The following MCU variants were observed in gnomAD, a reference collection of about 807,000 sequenced individuals.
The protein encoded by MCU is mitochondrial calcium uniporter, also known as calcium uniporter protein, mitochondrial.
In MCU, 12 loss-of-function variants were observed where a neutral mutation model predicts 45.2. That is an observed-to-expected ratio of 0.27 (90% CI 0.17 to 0.43). The LOEUF is 0.43. Among genes scored for constraint, MCU ranks in the 20% least tolerant of loss-of-function variants. The probability of loss-of-function intolerance (pLI) is 1.00; values close to 1 mark genes in which losing one functional copy is unlikely to be tolerated. For missense variants in MCU, 324 were observed against 436.7 expected (o/e 0.74, Z 2.30); for synonymous variants, 160 against 165.1 (o/e 0.97, Z 0.24).
At chr10:72,822,817 G>A (rs1844734102) in intron 1 of MCU, among the ~76,000 whole-genome samples, 1 of 151,830 alleles carries the variant, frequency 6.6e-6, no homozygotes, top group South Asian at 2.1e-4. Flanking sequence ...CTCAGCCTGG[G>A]CAACACAGTG....
chr10:72,719,257 A>G (rs1439733748), intron 1 of MCU, among the ~76,000 whole-genome samples: 1 of 152,206 alleles, frequency 6.6e-6, no homozygotes, highest in African/African-American at 2.4e-5. Context: ...TGCTGTCAGA[A>G]TTATAGGATT....
At chr10:72,813,125 TCAAA>T (rs1377855900) in intron 1 of MCU, among the ~76,000 whole-genome samples, 1 of 152,192 alleles carries the variant, frequency 6.6e-6, no homozygotes, top group Non-Finnish European at 1.5e-5. Flanking sequence ...AAGAGTTCGT[TCAAA>T]CAGATTCCCC....
At chr10:72,750,791 C>T (rs1189378017) in intron 1 of MCU, among the ~76,000 whole-genome samples, 1 of 152,182 alleles carries the variant, frequency 6.6e-6, no homozygotes, top group East Asian at 1.9e-4. Context: ...AGTTCTTCCT[C>T]TCATCCCTAA....
chr10:72,863,236 CT>C (rs993968875), intron 4 of MCU, among the ~76,000 whole-genome samples: 56 of 152,318 alleles, frequency 3.7e-4, no homozygotes, highest in African/African-American at 1.0e-3. Flanking sequence ...TCTCTGACCC[CT>C]GACCAACCAA....
At chr10:72,857,334 G>A (rs1845309318) in intron 2 of MCU, among the ~76,000 whole-genome samples, 1 of 151,954 alleles carries the variant, frequency 6.6e-6, no homozygotes, top group Admixed American at 6.6e-5. Context: ...CCACCTCCTG[G>A]GTTGAAGTGA....
chr10:72,857,242 C>A (rs1481186598), intron 2 of MCU, among the ~76,000 whole-genome samples: 9 of 134,800 alleles, frequency 6.7e-5, no homozygotes, highest in Non-Finnish European at 1.0e-4. Flanking sequence ...AGGGATTAAA[C>A]CCCCCCCTTT....
intron 1 of MCU, among the ~76,000 whole-genome samples, chr10:72,727,660 C>G (rs921711313): frequency 3.3e-5 from 5 of 152,060 alleles, no homozygotes; most frequent in Non-Finnish European, 7.4e-5. Flanking sequence ...ATTTGTGTAG[C>G]AGTAGGAAGT....
chr10:72,861,308 G>A (rs1055879464), intron 4 of MCU, among the ~76,000 whole-genome samples: 5 of 152,068 alleles, frequency 3.3e-5, no homozygotes, highest in African/African-American at 1.2e-4. Flanking sequence ...TTACAGGCAT[G>A]AACCACTGTT....
chr10:72,848,978 G>A (rs1262170503), intron 2 of MCU, among the ~76,000 whole-genome samples: 1 of 151,808 alleles, frequency 6.6e-6, no homozygotes, highest in African/African-American at 2.4e-5. Context: ...GCTTAGAGCT[G>A]TTTAAAAAAT....
chr10:72,751,145 C>T (rs1345316782), intron 1 of MCU, among the ~76,000 whole-genome samples: 1 of 151,282 alleles, frequency 6.6e-6, no homozygotes, highest in Non-Finnish European at 1.5e-5. Flanking sequence ...GGATTACAGG[C>T]ACACGCCACC....
intron 1 of MCU, among the ~76,000 whole-genome samples, chr10:72,808,052 G>A (rs897399846): frequency 2.2e-4 from 34 of 152,112 alleles, no homozygotes; most frequent in African/African-American, 8.2e-4. Flanking sequence ...TTTCTTTACG[G>A]AACACTTTTT....
chr10:72,711,454 C>A (rs985356900), intron 1 of MCU, among the ~76,000 whole-genome samples: 1 of 151,092 alleles, frequency 6.6e-6, no homozygotes, highest in Non-Finnish European at 1.5e-5. Context: ...CTCCTGACCT[C>A]AAGTGATCTG....
intron 1 of MCU, among the ~76,000 whole-genome samples, chr10:72,703,992 G>A (rs1255607379): frequency 6.6e-6 from 1 of 152,064 alleles, no homozygotes; most frequent in Non-Finnish European, 1.5e-5. Flanking sequence ...ATTCTGTTTT[G>A]TTAAAGAAAT....
intron 1 of MCU, among the ~76,000 whole-genome samples, chr10:72,832,932 C>CTGTGTGTGTGTGTGTGTGTGTG (rs1399130294): frequency 0.052 from 2,957 of 57,178 alleles, 119 homozygotes; most frequent in African/African-American, 0.1. Context: ...AAACCAATAG[C>CTGTGTGTGTGTGTGTGTGTGTG]TATGTGTGTG....
In MCU at chr10:72,750,321, A is replaced by G. The variant is rs544229605; in HGVS notation, c.150+58020A>G. Among the ~76,000 whole-genome samples, 7 of 152,334 alleles carry G rather than the reference A, an allele frequency of 4.6e-5. No individual in the cohort carries two copies. The South Asian group carries it at 8.3e-4, about 18-fold the overall frequency. On this transcript the variant is annotated intron_variant, in intron 1 of 7. Coordinates refer to ENST00000373053, the MANE Select transcript of MCU (RefSeq NM_138357.3). ...GAAGGTTTTACGTGCATGAATACCA[A>G]TGTGACTGAAGGATGTTTCCTTTTA... is the stretch of plus-strand genomic sequence containing the variant.
chr10:72,760,518 G>A (rs541991600), intron 1 of MCU: 12 of 151,532 alleles, frequency 7.9e-5, no homozygotes, highest in Admixed American at 4.6e-4. Context: ...AAAACCCTAC[G>A]TCATAAATGT....
chr10:72,757,410 T>C (rs1161660710), intron 1 of MCU, among the ~76,000 whole-genome samples: 2 of 152,174 alleles, frequency 1.3e-5, no homozygotes, highest in Non-Finnish European at 2.9e-5. Flanking sequence ...TTCATCTCCT[T>C]CTTCCTCCTA....
At chr10:72,832,962 C>A (rs1397338582) in intron 1 of MCU, among the ~76,000 whole-genome samples, 5 of 35,558 alleles carry the variant, frequency 1.4e-4, no homozygotes, top group African/African-American at 2.6e-4. Flanking sequence ...GTGTGTGTGT[C>A]TAGATAAACT....
At chr10:72,713,571 T>C (rs1018584633) in intron 1 of MCU, among the ~76,000 whole-genome samples, 1 of 152,190 alleles carries the variant, frequency 6.6e-6, no homozygotes, top group Non-Finnish European at 1.5e-5. Flanking sequence ...AAATTATACT[T>C]CTGTAGTAAT....
Sources: allele counts gnomAD v4.1 joint callset (sites outside exome capture counted in the v4.1 genomes callset), GRCh38; gene constraint gnomAD v4.1.1; transcripts MANE v1.5; gene names NCBI Gene and HGNC (gene_info 2026-07-23, HGNC 2026-07-21).